Variants in DNMT1 observed in about 807,000 individuals in gnomAD.
The protein encoded by DNMT1 is DNA (cytosine-5)-methyltransferase 1.
In DNMT1, 24 loss-of-function variants were observed where a neutral mutation model predicts 205.3. That is an observed-to-expected ratio of 0.12 (90% CI 0.08 to 0.16). The LOEUF (loss-of-function observed/expected upper bound fraction) is 0.16. Among genes scored for constraint, DNMT1 ranks in the 10% least tolerant of loss-of-function variants. The pLI is 1.00. For synonymous variants in DNMT1, 817 were observed against 839.8 expected, an observed-to-expected ratio of 0.97 and a Z score of 0.47; for missense variants, 1,293 against 2,177.7, an observed-to-expected ratio of 0.59 and a Z score of 8.09.
Position 10,140,228 on chromosome 19 carries a change from G to A in DNMT1, c.3624C>T (p.Asn1208=). The stretch of plus-strand genomic sequence containing the variant: ...CAGCCATGACCAGCTTCAGCAGGAT[G>A]TTGCAGTCCTCTGTGAACACTGTGG... ...PGSTVFTEDC[N]ILLKLVMAGE... is the part of the protein sequence containing the mutation. Residue 1208 remains asparagine (N), a synonymous_variant, in exon 33 of 41, where the codon AAC becomes AAT. Coordinates refer to ENST00000359526, the MANE Select transcript of DNMT1 (RefSeq NM_001130823.3). The surrounding 1 kb of genome is among the most constrained non-coding windows in gnomAD (Gnocchi z 8.4). The A allele has an allele frequency of 6.2e-7, 1 of 1,614,102 alleles. No individual in the cohort carries two copies. Among genetic ancestry groups the A allele is most frequent in the South Asian group, 1.1e-5 (1 of 91,082 alleles).
chr19:10,150,030 G>C (rs548194996), intron 24 of DNMT1, 62 bp from the exon 25 acceptor site: 2 of 1,401,572 alleles, frequency 1.4e-6, no homozygotes, highest in East Asian at 2.3e-5. Context: ...GCCTTGACTT[G>C]CATGGTCCTC....
chr19:10,173,296 A>G (rs1223348955), intron 8 of DNMT1, 122 bp from the exon 9 acceptor site: 1 of 903,298 alleles, frequency 1.1e-6, no homozygotes, highest in African/African-American at 1.7e-5. Flanking sequence ...GCCCTGACAG[A>G]CACATACTCA....
chr19:10,148,680 C>A (rs939364963), intron 27 of DNMT1, among the ~76,000 whole-genome samples: 2 of 152,090 alleles, frequency 1.3e-5, no homozygotes, highest in African/African-American at 4.8e-5. Context: ...CTTACAAAGA[C>A]AACGCCAGGT....
chr19:10,155,769 ACCAGAGCCCC>A, intron 19 of DNMT1, 74 bp downstream of exon 19: 1 of 1,435,162 alleles, frequency 7.0e-7, no homozygotes. Context: ...GAGAATTCCC[ACCAGAGCCCC>A]GTCAGCCCCC....
chr19:10,166,505 C>G (rs2038696046), intron 11 of DNMT1, 93 bp downstream of exon 11: 1 of 1,504,050 alleles, frequency 6.6e-7, no homozygotes, highest in African/African-American at 1.4e-5. Context: ...TGGGGCTGGA[C>G]TTGAACCCAG....
intron 7 of DNMT1, among the ~76,000 whole-genome samples, chr19:10,174,463 T>G (rs1273753062): frequency 6.6e-6 from 1 of 152,116 alleles, no homozygotes; most frequent in South Asian, 2.1e-4. Flanking sequence ...CCCAACACTT[T>G]GGGAGGCTGA....
chr19:10,138,176 G>A lies in DNMT1; in HGVS notation c.4116-167C>T, dbSNP rs2089530562. On this transcript the variant is annotated intron_variant, in intron 35 of 40. Transcript: ENST00000359526. This position sits in a 1 kb window ranked among gnomAD's most constrained non-coding sequence, Gnocchi z 4.1. ...TGGATGCCATCTGGAAGGGGGGATGGGGCTATGGCGTGGGCTTTGTGGATG... is the reference window on the plus strand; with the variant it reads ...TGGATGCCATCTGGAAGGGGGGATGAGGCTATGGCGTGGGCTTTGTGGATG... Among the ~76,000 whole-genome samples, 1 of 152,246 alleles carries A rather than the reference G, an allele frequency of 6.6e-6. No homozygotes were observed. The highest frequency in any genetic ancestry group is 1.5e-5 in the Non-Finnish European group (1 of 68,040).
chr19:10,161,614 C>G (rs891970397), intron 13 of DNMT1, among the ~76,000 whole-genome samples: 2 of 152,120 alleles, frequency 1.3e-5, no homozygotes, highest in Non-Finnish European at 2.9e-5. Flanking sequence ...CCACTGCACT[C>G]CAGCCTCGAC....
chr19:10,142,454 AC>A lies in DNMT1; in HGVS notation c.3117-235del, dbSNP rs538744947. Among the ~76,000 whole-genome samples, 11 of 146,146 alleles carry A rather than the reference AC, an allele frequency of 7.5e-5. No individual in the cohort carries two copies. The East Asian group carries it at 1.9e-3, about 25-fold the overall frequency. On this transcript the variant is annotated intron_variant, in intron 29 of 40. Coordinates refer to ENST00000359526, the MANE Select transcript of DNMT1 (RefSeq NM_001130823.3). ...CCATTTAGGGAACTGCAGGGTAAAG[AC>A]CCCCCCTAGTTAGGGAACCACAGGG...
Position 10,166,645 on chromosome 19 carries a change from C to T in DNMT1, c.844G>A (p.Ala282Thr). The T allele has an allele frequency of 6.2e-7, 1 of 1,614,220 alleles. No individual in the cohort carries two copies. Among genetic ancestry groups the T allele is most frequent in the African/African-American group, 1.3e-5 (1 of 75,060 alleles). Residue 282 changes from alanine (A) to threonine (T), a missense_variant, in exon 11 of 41, where the codon GCC becomes ACC. Coordinates refer to ENST00000359526, the MANE Select transcript of DNMT1 (RefSeq NM_001130823.3). ...QKLKEEPDRE[A>T]RAGVQADEDE... Reference sequence around the variant, plus strand: ...TCGTCAGCCTGCACGCCTGCCCTGGCTTCTCTGTCCGGCTCCTCCTTCAGT... The same window carrying T: ...TCGTCAGCCTGCACGCCTGCCCTGGTTTCTCTGTCCGGCTCCTCCTTCAGT...
At chr19:10,147,876 A>G (rs1478750084) in intron 27 of DNMT1, among the ~76,000 whole-genome samples, 5 of 151,510 alleles carry the variant, frequency 3.3e-5, no homozygotes, top group Admixed American at 2.0e-4. Context: ...CACTTTGGGA[A>G]GCCGAAGCGG....
At chr19:10,192,202 C>G (rs1464816956) in intron 1 of DNMT1, among the ~76,000 whole-genome samples, 1 of 151,888 alleles carries the variant, frequency 6.6e-6, no homozygotes, top group Non-Finnish European at 1.5e-5. Flanking sequence ...AGGAGGATTG[C>G]TTGAGCTCAG....
rs146112081 is a variant in DNMT1, at chr19:10,180,853, G to A, written c.150C>T (p.His50=). 3,185 of 1,614,042 alleles carry A rather than the reference G, an allele frequency of 2.0e-3. 6 individuals are homozygous for A. Among genetic ancestry groups the A allele is most frequent in the Non-Finnish European group, 2.5e-3 (2,925 of 1,179,978 alleles). The part of the protein sequence containing the change: ...ECVKEKLNLL[H]EFLQTEIKNQ... ...TCTTTATTTCTGTTTGCAGAAATTCGTGCAAGAGATTCAATTTCTCCTTCA... is the reference window on the plus strand; with the variant it reads ...TCTTTATTTCTGTTTGCAGAAATTCATGCAAGAGATTCAATTTCTCCTTCA... The change falls in exon 3 of 41, where the codon CAC becomes CAT. Residue 50 remains histidine (H), a synonymous_variant. Transcript: ENST00000359526.
intron 22 of DNMT1, among the ~76,000 whole-genome samples, chr19:10,153,245 G>A (rs1367256630): frequency 6.6e-6 from 1 of 152,196 alleles, no homozygotes; most frequent in Non-Finnish European, 1.5e-5. Context: ...TGAGGAGTAA[G>A]TTAGGATATT....
Position 10,133,677 on chromosome 19 carries a change from G to T in DNMT1, c.4889C>A (p.Ala1630Asp). ...GACGGGAGGGCAGAACTAGTCCTTA[G>T]CAGCTTCCTCCTCCTTTATTTTAGC... ...ASAKIKEEEA[A>D]KD Residue 1630 changes from alanine (A) to aspartate (D), a missense_variant, in exon 41 of 41, where the codon GCT (alanine) becomes GAT (aspartate). Physicochemically the swap from Ala to Asp is moderately radical, Grantham distance 126. Coordinates refer to ENST00000359526, the MANE Select transcript of DNMT1 (RefSeq NM_001130823.3). This position sits in a 1 kb window ranked among gnomAD's most constrained non-coding sequence, Gnocchi z 4.1. 6.3e-7 allele frequency: 1 copy of T among 1,599,170 alleles called. No homozygotes were observed. Among genetic ancestry groups the T allele is most frequent in the Non-Finnish European group, 8.5e-7 (1 of 1,172,064 alleles).
intron 9 of DNMT1, among the ~76,000 whole-genome samples, chr19:10,171,391 G>A (rs545927342): frequency 6.6e-6 from 1 of 152,172 alleles, no homozygotes; most frequent in Non-Finnish European, 1.5e-5. Context: ...AGCATAGGTT[G>A]GCCGGTGTGG....
chr19:10,175,332 T>TTA (rs998128804), intron 7 of DNMT1, among the ~76,000 whole-genome samples: 64 of 151,876 alleles, frequency 4.2e-4, no homozygotes, highest in African/African-American at 1.1e-3. Context: ...ATCAAACGAA[T>TTA]TATATATATA....
chr19:10,138,310 A>G lies in DNMT1; in HGVS notation c.4115+129T>C. The G allele has an allele frequency of 2.1e-6, 3 of 1,425,660 alleles. No individual in the cohort carries two copies. Among genetic ancestry groups the G allele is most frequent in the Non-Finnish European group, 2.9e-6 (3 of 1,034,798 alleles). 88.3% of individuals were successfully genotyped at this position (1,425,660 alleles called of 1,614,324 possible). On this transcript the variant is annotated intron_variant, in intron 35 of 40. Transcript: ENST00000359526. This position sits in a 1 kb window ranked among gnomAD's most constrained non-coding sequence, Gnocchi z 4.1. Reference sequence around the variant, plus strand: ...CAGGTGGCAGAGTGCCATGTGGCAGAGCACCGTGTGGCAGGGCAGATGCTG... The same window carrying G: ...CAGGTGGCAGAGTGCCATGTGGCAGGGCACCGTGTGGCAGGGCAGATGCTG...
Position 10,150,391 on chromosome 19 carries a change from G to A in DNMT1, c.2266-423C>T, listed in dbSNP as rs193210908. The stretch of plus-strand genomic sequence containing the variant: ...ACAAAGTAAGCTGACTGCCACCTCA[G>A]TGCAGCTCTCCCCCAGGTCGTGTGG... On this transcript the variant is annotated intron_variant, in intron 24 of 40. Transcript: ENST00000359526. Among the ~76,000 whole-genome samples the A allele has an allele frequency of 1.8e-4, 28 of 152,280 alleles. 1 individual carries two copies. In the East Asian group the frequency reaches 4.8e-3, roughly 26 times the overall value.
Sources: allele counts gnomAD v4.1 joint callset (sites outside exome capture counted in the v4.1 genomes callset), GRCh38; gene constraint gnomAD v4.1.1; non-coding constraint Gnocchi (gnomAD v3.1); transcripts MANE v1.5; gene names NCBI Gene and HGNC (gene_info 2026-07-23, HGNC 2026-07-21).